RGS12: variants seen among roughly 807,000 people sequenced by gnomAD.
The protein encoded by RGS12 is regulator of G protein signaling 12.
In RGS12, 66 loss-of-function variants were observed where a neutral mutation model predicts 120.1. The ratio of observed to expected loss-of-function variants is 0.55; its 90% CI spans 0.45 to 0.67. The LOEUF (loss-of-function observed/expected upper bound fraction) is 0.67. Among genes scored for constraint, RGS12 ranks in the 30% least tolerant of loss-of-function variants. RGS12 has a pLI of 0.00. For missense variants in RGS12, 1,859 were observed against 1,957.7 expected (o/e 0.95, Z 0.95); for synonymous variants, 827 against 804.7 (o/e 1.03, Z -0.47).
At chr4:3,401,312 A>G (rs1720555106) in intron 4 of RGS12, among the ~76,000 whole-genome samples, 1 of 152,224 alleles carries the variant, frequency 6.6e-6, no homozygotes, top group South Asian at 2.1e-4. Flanking sequence ...GGAAGAAAAT[A>G]TTTTATGAAT....
intron 1 of RGS12, among the ~76,000 whole-genome samples, chr4:3,304,863 G>T (rs965900165): frequency 1.3e-5 from 2 of 152,240 alleles, no homozygotes; most frequent in South Asian, 2.1e-4. Context: ...GTTCGCTGCC[G>T]CTGTGCAGCA....
intron 1 of RGS12, among the ~76,000 whole-genome samples, chr4:3,298,924 T>C (rs1560636817): frequency 6.6e-6 from 1 of 152,246 alleles, no homozygotes; most frequent in Non-Finnish European, 1.5e-5. Flanking sequence ...TTTAATGTTC[T>C]TTTCTGCTAA....
chr4:3,413,835 C>G lies in RGS12; in HGVS notation c.2021-237C>G. On this transcript the variant is annotated intron_variant, in intron 4 of 17. Coordinates refer to ENST00000336727, the MANE Select transcript of RGS12 (RefSeq NM_001394154.1). ...GCACATGTGAACATGTGTGTGTGCT[C>G]GTGCACACACATGTGCAGCCGCTCA... 5 of 508,380 alleles carry G rather than the reference C, an allele frequency of 9.8e-6. No homozygotes were observed. In the East Asian group the frequency reaches 1.2e-4, roughly 12 times the overall value. 31.5% of individuals were successfully genotyped at this position (508,380 alleles called of 1,614,324 possible).
chr4:3,298,425 G>A (rs549294794), intron 1 of RGS12, among the ~76,000 whole-genome samples: 32 of 152,068 alleles, frequency 2.1e-4, no homozygotes, highest in African/African-American at 6.8e-4. Flanking sequence ...GTCATAGCTC[G>A]CTGCAGCCCC....
intron 4 of RGS12, among the ~76,000 whole-genome samples, chr4:3,397,387 G>C (rs977559030): frequency 6.6e-6 from 1 of 152,232 alleles, no homozygotes; most frequent in African/African-American, 2.4e-5. Flanking sequence ...CTGACAGATG[G>C]GTGAGGATTA....
chr4:3,343,170 G>A, intron 3 of RGS12, 117 bp downstream of exon 3: 2 of 681,674 alleles, frequency 2.9e-6, no homozygotes, highest in South Asian at 1.7e-5. Flanking sequence ...CTCCTCCTCT[G>A]TAGTGGTAAC....
At chr4:3,414,571 G>A in intron 5 of RGS12, 181 bp from the exon 6 acceptor site, 1 of 610,154 alleles carries the variant, frequency 1.6e-6, no homozygotes. Flanking sequence ...TTGCTTTTGG[G>A]GAAACAGCTG....
intron 1 of RGS12, among the ~76,000 whole-genome samples, chr4:3,308,714 A>G (rs1382433832): frequency 6.6e-6 from 1 of 152,112 alleles, no homozygotes; most frequent in African/African-American, 2.4e-5. Context: ...GACTTTTTTC[A>G]TCTCCCTGCT....
Position 3,389,826 on chromosome 4 carries a change from G to C in RGS12, c.2020+3389G>C, listed in dbSNP as rs7656119. ...CATGACACCCCACATACATGACCCCGGTGCTCCAGCTGCTTCTCAAACACT... is the reference window on the plus strand; with the variant it reads ...CATGACACCCCACATACATGACCCCCGTGCTCCAGCTGCTTCTCAAACACT... On this transcript the variant is annotated intron_variant, in intron 4 of 17. Coordinates refer to ENST00000336727, the MANE Select transcript of RGS12 (RefSeq NM_001394154.1). This position sits in a 1 kb window ranked among gnomAD's most constrained non-coding sequence, Gnocchi z 5.2. Among the ~76,000 whole-genome samples the C allele has an allele frequency of 1.3e-5, 2 of 152,076 alleles. No homozygotes were observed. Among genetic ancestry groups the C allele is most frequent in the Non-Finnish European group, 2.9e-5 (2 of 68,012 alleles).
rs113259782 is a variant in RGS12, at chr4:3,390,567, C to T, written c.2020+4130C>T. 0.028 allele frequency among the ~76,000 whole-genome samples: 4,230 copies of T among 152,350 alleles called. 63 individuals are homozygous for T. Among genetic ancestry groups the T allele is most frequent in the African/African-American group, 0.049 (2,036 of 41,578 alleles). ...TGTTGCGGGGTGGACCCACTGCCGC[C>T]GCCTCCTCCTGGGCTGCTCTGCGCG... On this transcript the variant is annotated intron_variant, in intron 4 of 17. Coordinates refer to ENST00000336727, the MANE Select transcript of RGS12 (RefSeq NM_001394154.1). This position sits in a 1 kb window ranked among gnomAD's most constrained non-coding sequence, Gnocchi z 4.6.
At chr4:3,335,231 C>T (rs1470893316) in intron 2 of RGS12, among the ~76,000 whole-genome samples, 1 of 152,194 alleles carries the variant, frequency 6.6e-6, no homozygotes, top group Non-Finnish European at 1.5e-5. Flanking sequence ...TTTCACAAAA[C>T]GTGCTTTGCT....
chr4:3,386,697 A>C (rs935824817), intron 4 of RGS12, among the ~76,000 whole-genome samples: 2 of 152,238 alleles, frequency 1.3e-5, no homozygotes, highest in African/African-American at 4.8e-5. Flanking sequence ...TGTGTGTCTG[A>C]GGAGTGCACC....
rs1046693437 is a variant in RGS12 at position 3,399,109 on chromosome 4, C to T, written c.2020+12672C>T. Among the ~76,000 whole-genome samples the T allele has an allele frequency of 2.6e-5, 4 of 152,136 alleles. No individual in the cohort carries two copies. The South Asian group carries it at 6.2e-4, about 24-fold the overall frequency. On this transcript the variant is annotated intron_variant, in intron 4 of 17. Transcript: ENST00000336727. ...GAACCATTTATGGTTCTATACTACA[C>T]ATCATCACCAGTAGAATATAATCAA... is the stretch of plus-strand genomic sequence containing the variant.
chr4:3,348,914 A>C (rs1360503288), intron 3 of RGS12, among the ~76,000 whole-genome samples: 1 of 152,210 alleles, frequency 6.6e-6, no homozygotes, highest in Non-Finnish European at 1.5e-5. Flanking sequence ...CCCTGCCTGG[A>C]GAAATGAAAT....
intron 7 of RGS12, 60 bp from the exon 8 acceptor site, chr4:3,416,853 G>T: frequency 6.7e-7 from 1 of 1,503,262 alleles, no homozygotes. Context: ...GCAGCCTCGC[G>T]CCTGAGGCTG....
chr4:3,439,723 G>A lies in RGS12; in HGVS notation c.*39G>A, dbSNP rs565909039. On this transcript the variant is annotated 3_prime_UTR_variant, in exon 18 of 18. Transcript: ENST00000336727. ...GGCCAACTCTCCTGTGGACATGTCG[G>A]GGTGGGGCAGCCCAGGTGGATTCTG... The A allele has an allele frequency of 1.4e-6, 2 of 1,451,390 alleles. No individual in the cohort carries two copies. Among genetic ancestry groups the A allele is most frequent in the African/African-American group, 1.4e-5 (1 of 69,772 alleles). The allele number at this position is 1,451,390 out of a possible 1,614,324, so 89.9% of individuals were successfully genotyped here. A position where few individuals can be genotyped will look rare whatever the true frequency, so the allele number is the denominator to read the frequency against.
At chr4:3,415,651 C>T (rs1489296135) in intron 6 of RGS12, among the ~76,000 whole-genome samples, 1 of 152,234 alleles carries the variant, frequency 6.6e-6, no homozygotes, top group Non-Finnish European at 1.5e-5. Flanking sequence ...GCTCGCAATG[C>T]TCAGAGGGCG....
intron 4 of RGS12, among the ~76,000 whole-genome samples, chr4:3,394,090 C>T (rs1719804791): frequency 6.6e-6 from 1 of 152,202 alleles, no homozygotes; most frequent in Non-Finnish European, 1.5e-5. Context: ...TGCGACTGAC[C>T]CTTCCTGCCG....
At chr4:3,430,342 C>A in intron 16 of RGS12, 65 bp from the exon 17 acceptor site, 1 of 1,423,324 alleles carries the variant, frequency 7.0e-7, no homozygotes, top group Non-Finnish European at 9.7e-7. Context: ...CTAGAATGTT[C>A]TGCGGTGACA....
Sources: allele counts gnomAD v4.1 joint callset (sites outside exome capture counted in the v4.1 genomes callset), GRCh38; gene constraint gnomAD v4.1.1; non-coding constraint Gnocchi (gnomAD v3.1); transcripts MANE v1.5; gene names NCBI Gene and HGNC (gene_info 2026-07-23, HGNC 2026-07-21).